Variants in CERS6 observed in about 807,000 individuals in gnomAD.
The protein encoded by CERS6 is ceramide synthase 6, also known as LAG1 homolog, ceramide synthase 6.
Under a neutral mutation model 56.8 loss-of-function variants are expected in CERS6, and 26 were observed. That is an observed-to-expected ratio of 0.46 (90% CI 0.34 to 0.63). The LOEUF is 0.63. CERS6 is among the 30% of genes least tolerant of loss of function. The probability of loss-of-function intolerance (pLI) is 0.01; values close to 1 mark genes in which losing one functional copy is unlikely to be tolerated. For missense variants in CERS6, 415 were observed against 467.5 expected, an observed-to-expected ratio of 0.89 and a Z score of 1.04; for synonymous variants, 164 against 173.3, an observed-to-expected ratio of 0.95 and a Z score of 0.42.
rs374073987 is a variant in CERS6 at position 168,461,767 on chromosome 2, C to G, written c.170+5149C>G. 9.9e-5 allele frequency among the ~76,000 whole-genome samples: 15 copies of G among 152,172 alleles called. 1 individual carries two copies. Among genetic ancestry groups the G allele is most frequent in the East Asian group, 5.8e-4 (3 of 5,200 alleles). ...AATTATCACCATGATGTAATGTCAT[C>G]TAGGATTATGAAATTAATACCCTGA... On this transcript the variant is annotated intron_variant, in intron 1 of 9. Coordinates refer to ENST00000305747, the MANE Select transcript of CERS6 (RefSeq NM_203463.3).
chr2:168,610,750 A>G (rs1261504756), intron 3 of CERS6, among the ~76,000 whole-genome samples: 2 of 152,184 alleles, frequency 1.3e-5, no homozygotes, highest in African/African-American at 4.8e-5. Context: ...ACAGGTTGTG[A>G]ACTGGTAGCC....
At chr2:168,691,166 A>G (rs1686492003) in intron 5 of CERS6, 82 bp downstream of exon 5, 1 of 1,287,678 alleles carries the variant, frequency 7.8e-7, no homozygotes, top group Non-Finnish European at 1.1e-6. Context: ...GCAGGCCCCA[A>G]CAGGTTGGAC....
intron 4 of CERS6, among the ~76,000 whole-genome samples, chr2:168,634,912 A>G (rs957146707): frequency 1.3e-5 from 2 of 152,204 alleles, no homozygotes; most frequent in Non-Finnish European, 2.9e-5. Context: ...GTGTTGCTCA[A>G]AGTAAATTGA....
At chr2:168,728,290 A>T (rs987302564) in intron 8 of CERS6, among the ~76,000 whole-genome samples, 3 of 151,932 alleles carry the variant, frequency 2.0e-5, no homozygotes, top group Non-Finnish European at 4.4e-5. Context: ...AGTAATAATA[A>T]GGCAGTGTGG....
At chr2:168,687,104 G>GCTAA (rs1686371818) in intron 4 of CERS6, among the ~76,000 whole-genome samples, 1 of 152,138 alleles carries the variant, frequency 6.6e-6, no homozygotes, top group Non-Finnish European at 1.5e-5. Context: ...TGACCTTTTA[G>GCTAA]GGGCACCGTC....
chr2:168,613,245 C>A (rs918406884), intron 3 of CERS6, among the ~76,000 whole-genome samples: 1 of 152,164 alleles, frequency 6.6e-6, no homozygotes, highest in Non-Finnish European at 1.5e-5. Flanking sequence ...CAGGTGCCGA[C>A]GTTTGGGTGT....
intron 8 of CERS6, among the ~76,000 whole-genome samples, chr2:168,743,316 T>C (rs1420523858): frequency 1.3e-5 from 2 of 151,860 alleles, no homozygotes; most frequent in Admixed American, 1.3e-4. Context: ...AAAGCAACAA[T>C]GAATTACTAG....
intron 3 of CERS6, among the ~76,000 whole-genome samples, chr2:168,600,769 A>G (rs933159415): frequency 1.3e-5 from 2 of 152,108 alleles, no homozygotes; most frequent in Non-Finnish European, 2.9e-5. Context: ...TCCATTTCCT[A>G]TGGTATCTAA....
intron 3 of CERS6, among the ~76,000 whole-genome samples, chr2:168,571,855 A>T (rs891386091): frequency 6.6e-5 from 10 of 152,176 alleles, no homozygotes; most frequent in African/African-American, 2.4e-4. Flanking sequence ...TTAAATTTAC[A>T]ATTCAGTTAT....
At chr2:168,769,363 C>A in intron 9 of CERS6, 147 bp from the exon 10 acceptor site, 2 of 676,028 alleles carry the variant, frequency 3.0e-6, no homozygotes, top group South Asian at 2.4e-5. Context: ...TGAAGGGGAA[C>A]TTATTGCTCT....
chr2:168,606,110 G>C (rs1684046711), intron 3 of CERS6, among the ~76,000 whole-genome samples: 1 of 152,224 alleles, frequency 6.6e-6, no homozygotes, highest in Non-Finnish European at 1.5e-5. Context: ...CAACTATGGG[G>C]ACTGAGCCCT....
At chr2:168,569,820 A>C (rs1359893366) in intron 3 of CERS6, among the ~76,000 whole-genome samples, 2 of 152,154 alleles carry the variant, frequency 1.3e-5, no homozygotes, top group Non-Finnish European at 2.9e-5. Context: ...TGGCCACTGG[A>C]TTCGTAAAAT....
chr2:168,626,186 T>G (rs1267866384), intron 3 of CERS6, among the ~76,000 whole-genome samples: 2 of 152,194 alleles, frequency 1.3e-5, no homozygotes, highest in African/African-American at 4.8e-5. Flanking sequence ...TACCTTGTTG[T>G]GTGGAACAGT....
intron 3 of CERS6, among the ~76,000 whole-genome samples, chr2:168,593,251 C>T (rs529625106): frequency 2.0e-5 from 3 of 152,266 alleles, no homozygotes; most frequent in East Asian, 1.9e-4. Flanking sequence ...CCTCTTTGAC[C>T]GTGTAAGGTA....
At chr2:168,655,001 C>A (rs1685434079) in intron 4 of CERS6, among the ~76,000 whole-genome samples, 3 of 152,058 alleles carry the variant, frequency 2.0e-5, no homozygotes, top group Non-Finnish European at 4.4e-5. Context: ...TGCACAAAAG[C>A]CTTTATAAAT....
chr2:168,674,054 C>T (rs911194275), intron 4 of CERS6, among the ~76,000 whole-genome samples: 20 of 152,040 alleles, frequency 1.3e-4, no homozygotes, highest in African/African-American at 4.3e-4. Context: ...TGACCTGTTA[C>T]GTATGGGTTT....
intron 1 of CERS6, among the ~76,000 whole-genome samples, chr2:168,480,592 C>G (rs1042754643): frequency 6.6e-6 from 1 of 152,076 alleles, no homozygotes; most frequent in Non-Finnish European, 1.5e-5. Flanking sequence ...CTTTATTTAC[C>G]GTTTAAGGTT....
At chr2:168,706,346 A>C (rs1226490273) in intron 6 of CERS6, among the ~76,000 whole-genome samples, 2 of 152,220 alleles carry the variant, frequency 1.3e-5, no homozygotes, top group Non-Finnish European at 2.9e-5. Context: ...TTAAATATTA[A>C]CTAAATAATT....
chr2:168,758,947 A>G (rs1684490428), intron 8 of CERS6, among the ~76,000 whole-genome samples: 1 of 152,142 alleles, frequency 6.6e-6, no homozygotes, highest in Non-Finnish European at 1.5e-5. Context: ...TGTTTGCCTC[A>G]CAAAAAAAAA....
Sources: gnomAD v4.1 joint callset for allele counts (sites outside exome capture counted in the v4.1 genomes callset) on GRCh38, gnomAD v4.1.1 for gene constraint, MANE v1.5 for transcripts, NCBI Gene and HGNC (gene_info 2026-07-23, HGNC 2026-07-21) for gene names.